CDH8: variants seen among roughly 807,000 people sequenced by gnomAD.
CDH8 encodes the protein cadherin-8.
CDH8 carries 17 observed loss-of-function variants against 68.1 expected under a neutral mutation model. The observed-to-expected ratio is 0.25, with a 90% CI of 0.17 to 0.37. The LOEUF (loss-of-function observed/expected upper bound fraction) is 0.37. CDH8 is among the 10% of genes least tolerant of loss of function. CDH8 has a pLI of 1.00. For synonymous variants in CDH8, 372 were observed against 365.1 expected, an observed-to-expected ratio of 1.02 and a Z score of -0.21; for missense variants, 763 against 999.3, an observed-to-expected ratio of 0.76 and a Z score of 3.19.
rs983386375 is a variant in CDH8 at position 61,649,806 on chromosome 16, G to T, written c.*3802C>A. 6.6e-6 allele frequency: 1 copy of T among 152,012 alleles called. No individual in the cohort carries two copies. The highest frequency in any genetic ancestry group is 3.2e-3 in the Middle Eastern group (1 of 316). 9.4% of individuals were successfully genotyped at this position (152,012 alleles called of 1,614,324 possible). Reference sequence around the variant, plus strand: ...ATTGGCTACTTAGCTCTCAGCACCCGCTTTTCCTTTTCCAAAATACAGCAT... The same window carrying T: ...ATTGGCTACTTAGCTCTCAGCACCCTCTTTTCCTTTTCCAAAATACAGCAT... On this transcript the variant is annotated 3_prime_UTR_variant, in exon 12 of 12. Coordinates refer to ENST00000577390, the MANE Select transcript of CDH8 (RefSeq NM_001796.5).
At chr16:61,961,100 G>A (rs1201483296) in intron 2 of CDH8, among the ~76,000 whole-genome samples, 1 of 152,034 alleles carries the variant, frequency 6.6e-6, no homozygotes, top group Non-Finnish European at 1.5e-5. Flanking sequence ...TGGATTACTC[G>A]AGGTCAGGAG....
chr16:61,984,569 C>T (rs1157864148), intron 2 of CDH8, among the ~76,000 whole-genome samples: 1 of 151,972 alleles, frequency 6.6e-6, no homozygotes, highest in Non-Finnish European at 1.5e-5. Context: ...GGATCATAGG[C>T]ATGCACCATC....
intron 8 of CDH8, among the ~76,000 whole-genome samples, chr16:61,765,182 C>A (rs1398146683): frequency 6.6e-6 from 1 of 152,006 alleles, no homozygotes; most frequent in Non-Finnish European, 1.5e-5. Context: ...GAGGTCTTCA[C>A]TGTTTAAATT....
chr16:61,666,653 T>C (rs948254304), intron 10 of CDH8, among the ~76,000 whole-genome samples: 4 of 152,006 alleles, frequency 2.6e-5, no homozygotes, highest in Admixed American at 6.6e-5. Context: ...CGAGAAATGT[T>C]GCCTGACATT....
chr16:61,708,551 A>G (rs2142861607), intron 10 of CDH8, among the ~76,000 whole-genome samples: 1 of 152,340 alleles, frequency 6.6e-6, no homozygotes, highest in East Asian at 1.9e-4. Context: ...CTACCCAAGC[A>G]AAGAAAACCT....
At chr16:61,782,523 C>T (rs1300856165) in intron 8 of CDH8, among the ~76,000 whole-genome samples, 1 of 152,116 alleles carries the variant, frequency 6.6e-6, no homozygotes, top group African/African-American at 2.4e-5. Context: ...GGGGCGCCCG[C>T]CATTGCCCAG....
intron 2 of CDH8, among the ~76,000 whole-genome samples, chr16:61,971,341 C>G (rs773315431): frequency 4.6e-5 from 7 of 152,110 alleles, no homozygotes; most frequent in Non-Finnish European, 8.8e-5. Context: ...GATTGACAGG[C>G]TGTATATAAA....
At chr16:61,837,677 A>C (rs1450101553) in intron 4 of CDH8, among the ~76,000 whole-genome samples, 2 of 152,064 alleles carry the variant, frequency 1.3e-5, no homozygotes, top group Non-Finnish European at 2.9e-5. Flanking sequence ...CTTTCCCTTT[A>C]TAAAACAGAG....
chr16:61,843,646 G>T (rs1806280601), intron 4 of CDH8, among the ~76,000 whole-genome samples: 1 of 152,012 alleles, frequency 6.6e-6, no homozygotes, highest in East Asian at 1.9e-4. Flanking sequence ...CCACTCAGAG[G>T]CTTAGCTTTT....
intron 8 of CDH8, among the ~76,000 whole-genome samples, chr16:61,783,819 T>A (rs1224856564): frequency 1.3e-5 from 2 of 152,192 alleles, no homozygotes; most frequent in Non-Finnish European, 2.9e-5. Flanking sequence ...ACCCAGAATT[T>A]CATGTCCAGC....
intron 10 of CDH8, among the ~76,000 whole-genome samples, chr16:61,678,565 A>T (rs552890654): frequency 6.6e-6 from 1 of 152,120 alleles, no homozygotes; most frequent in African/African-American, 2.4e-5. Flanking sequence ...TCTGGGGTAC[A>T]TGTGCAGAAC....
At chr16:61,855,400 A>T (rs1216527325) in intron 4 of CDH8, among the ~76,000 whole-genome samples, 1 of 152,194 alleles carries the variant, frequency 6.6e-6, no homozygotes, top group African/African-American at 2.4e-5. Context: ...GAAACAAATT[A>T]TCTAAATGAC....
chr16:61,714,089 T>C (rs1964678581), intron 9 of CDH8, 131 bp from the exon 10 acceptor site: 1 of 702,666 alleles, frequency 1.4e-6, no homozygotes, highest in East Asian at 2.5e-5. Flanking sequence ...TTCTAAATTG[T>C]CATGGATGGT....
At chr16:61,715,650 C>T (rs1596893397) in intron 9 of CDH8, among the ~76,000 whole-genome samples, 1 of 151,432 alleles carries the variant, frequency 6.6e-6, no homozygotes, top group African/African-American at 2.4e-5. Context: ...TACTCAATGA[C>T]CCAACATGAT....
intron 1 of CDH8, among the ~76,000 whole-genome samples, chr16:62,033,714 T>C (rs569940466): frequency 9.1e-4 from 139 of 152,250 alleles, no homozygotes; most frequent in African/African-American, 3.2e-3. Flanking sequence ...AGGGGATAAC[T>C]TGACATTCAC....
At chr16:61,857,026 C>T in intron 4 of CDH8, 93 bp downstream of exon 4, 2 of 1,438,948 alleles carry the variant, frequency 1.4e-6, no homozygotes, top group South Asian at 2.3e-5. Context: ...CAGTGAAGTA[C>T]TTACACATAA....
intron 3 of CDH8, among the ~76,000 whole-genome samples, chr16:61,860,069 G>A (rs969795664): frequency 7.2e-5 from 11 of 152,018 alleles, no homozygotes; most frequent in East Asian, 3.9e-4. Context: ...TCTCTATCTC[G>A]TGACATCGTG....
At chr16:61,670,663 A>G (rs1210264671) in intron 10 of CDH8, among the ~76,000 whole-genome samples, 1 of 152,084 alleles carries the variant, frequency 6.6e-6, no homozygotes, top group Admixed American at 6.6e-5. Flanking sequence ...TATACATACT[A>G]AGCTCTGATA....
chr16:61,912,347 C>T (rs1964176236), intron 2 of CDH8, among the ~76,000 whole-genome samples: 1 of 152,026 alleles, frequency 6.6e-6, no homozygotes, highest in Non-Finnish European at 1.5e-5. Flanking sequence ...GTGTTGCTTA[C>T]TCCTACTTCT....
Sources: gnomAD v4.1 joint callset for allele counts (sites outside exome capture counted in the v4.1 genomes callset) on GRCh38, gnomAD v4.1.1 for gene constraint, MANE v1.5 for transcripts, NCBI Gene and HGNC (gene_info 2026-07-23, HGNC 2026-07-21) for gene names.